The following ALDH2 variants were observed in gnomAD, a reference collection of about 807,000 sequenced individuals.
ALDH2 encodes the protein aldehyde dehydrogenase 2 family member, also known as aldehyde dehydrogenase, mitochondrial.
Under a neutral mutation model 59.6 loss-of-function variants are expected in ALDH2, and 44 were observed. The observed-to-expected ratio is 0.74, with a 90% CI of 0.58 to 0.95. ALDH2 has a LOEUF of 0.95. Among genes scored for constraint, ALDH2 ranks in the 40% least tolerant of loss-of-function variants. The pLI is 0.00. For synonymous variants in ALDH2, 291 were observed against 284.0 expected (o/e 1.02, Z -0.25); for missense variants, 570 against 696.3 (o/e 0.82, Z 2.04).
At chr12:111,793,852 G>A (rs1411549475) in intron 9 of ALDH2, among the ~76,000 whole-genome samples, 2 of 151,630 alleles carry the variant, frequency 1.3e-5, no homozygotes, top group Non-Finnish European at 2.9e-5. Flanking sequence ...CAGCCTCGGG[G>A]TCATTTTTTG....
rs1555263151 is a variant in ALDH2 at position 111,792,129 on chromosome 12, G to T, written c.864G>T (p.Gly288=). Reference sequence around the variant, plus strand: ...AGAGAGTGACCTTGGAGCTGGGGGGGAAGAGCCCCAACATCATCATGTCAG... The same window carrying T: ...AGAGAGTGACCTTGGAGCTGGGGGGTAAGAGCCCCAACATCATCATGTCAG... ...NLKRVTLELG[G]KSPNIIMSDA... is the part of the protein sequence containing the mutation. Residue 288 remains glycine, a synonymous_variant, in exon 8 of 13, where the codon GGG becomes GGT. Transcript: ENST00000261733. 3 of 1,607,572 alleles carry T rather than the reference G, an allele frequency of 1.9e-6. No homozygotes were observed. The South Asian group carries it at 3.3e-5, about 18-fold the overall frequency.
chr12:111,801,481 T>A (rs1190878432), intron 11 of ALDH2, among the ~76,000 whole-genome samples: 1 of 151,620 alleles, frequency 6.6e-6, no homozygotes, highest in Non-Finnish European at 1.5e-5. Context: ...GGTAGGTCAC[T>A]TGAGGTCAAG....
At chr12:111,788,746 A>G (rs7486832) in intron 4 of ALDH2, among the ~76,000 whole-genome samples, 2 of 152,138 alleles carry the variant, frequency 1.3e-5, no homozygotes, top group Non-Finnish European at 2.9e-5. Context: ...TCGAGCCTGT[A>G]ATCCCAGCAC....
Position 111,798,103 on chromosome 12 carries a change from T to A in ALDH2, c.1109T>A (p.Ile370Asn). Residue 370 changes from isoleucine to asparagine, a missense_variant, in exon 10 of 13, where the codon ATC (isoleucine) becomes AAC (asparagine). By Grantham distance (149) the Ile-to-Asn change is moderately radical. Transcript: ENST00000261733. ...PQVDETQFKK[I>N]LGYINTGKQE... is the part of the protein sequence containing the mutation. ...GTGGATGAAACTCAGTTTAAGAAGATCCTCGGCTACATCAACACGGGGAAG... is the reference window on the plus strand; with the variant it reads ...GTGGATGAAACTCAGTTTAAGAAGAACCTCGGCTACATCAACACGGGGAAG... 6.2e-7 allele frequency: 1 copy of A among 1,614,098 alleles called. No homozygotes were observed. Among genetic ancestry groups the A allele is most frequent in the Non-Finnish European group, 8.5e-7 (1 of 1,180,022 alleles).
chr12:111,773,307 TC>T (rs928410366), intron 1 of ALDH2, among the ~76,000 whole-genome samples: 3 of 152,144 alleles, frequency 2.0e-5, no homozygotes, highest in Non-Finnish European at 4.4e-5. Context: ...ATTCAATACT[TC>T]CTGCCTGCCC....
chr12:111,797,996 G>C, intron 9 of ALDH2, 82 bp from the exon 10 acceptor site: 1 of 1,538,804 alleles, frequency 6.5e-7, no homozygotes, highest in African/African-American at 1.4e-5. Context: ...CAGTTGTCTT[G>C]TTGCCTGCAT....
chr12:111,785,036 T>C (rs1464421784), intron 3 of ALDH2, among the ~76,000 whole-genome samples: 1 of 151,860 alleles, frequency 6.6e-6, no homozygotes, highest in Non-Finnish European at 1.5e-5. Flanking sequence ...ATGAAATCAC[T>C]GAGTGAGAAA....
intron 4 of ALDH2, among the ~76,000 whole-genome samples, chr12:111,788,211 A>G (rs1348893231): frequency 6.6e-6 from 1 of 151,880 alleles, no homozygotes; most frequent in Non-Finnish European, 1.5e-5. Flanking sequence ...ACTTCGTCTC[A>G]AAAAAAAGAA....
At chr12:111,776,257 G>T (rs2068233847) in intron 1 of ALDH2, among the ~76,000 whole-genome samples, 1 of 152,166 alleles carries the variant, frequency 6.6e-6, no homozygotes, top group Non-Finnish European at 1.5e-5. Flanking sequence ...AAAGAGTATA[G>T]ACCTGGCCCT....
chr12:111,787,361 G>A (rs1428206727), intron 4 of ALDH2, among the ~76,000 whole-genome samples: 1 of 152,100 alleles, frequency 6.6e-6, no homozygotes. Context: ...TTTTACATTG[G>A]GACCTGGTAG....
intron 12 of ALDH2, among the ~76,000 whole-genome samples, chr12:111,804,746 C>CAA (rs76471972): frequency 1.4e-3 from 86 of 61,566 alleles, no homozygotes; most frequent in Middle Eastern, 0.012. Flanking sequence ...GACTCCGTCT[C>CAA]AAAAAAAAAA....
chr12:111,777,706 C>A (rs1006429053), intron 1 of ALDH2, among the ~76,000 whole-genome samples: 2 of 152,106 alleles, frequency 1.3e-5, no homozygotes, highest in African/African-American at 4.8e-5. Flanking sequence ...GGAGTAAACA[C>A]CCAGGACCTG....
intron 4 of ALDH2, among the ~76,000 whole-genome samples, chr12:111,786,995 A>G (rs1379115399): frequency 6.6e-6 from 1 of 152,126 alleles, no homozygotes; most frequent in East Asian, 1.9e-4. Flanking sequence ...ATTTGAGGTC[A>G]GAAGTCCAAG....
rs1014981847 is a variant in ALDH2 at position 111,766,943 on chromosome 12, C to T, written c.-40C>T. The T allele has an allele frequency of 6.7e-7, 1 of 1,495,922 alleles. No individual in the cohort carries two copies. The highest frequency in any genetic ancestry group is 8.9e-7 in the Non-Finnish European group (1 of 1,123,276). 92.7% of individuals were successfully genotyped at this position (1,495,922 alleles called of 1,614,324 possible). On this transcript the variant is annotated 5_prime_UTR_variant, in exon 1 of 13. Transcript: ENST00000261733. ...CGGCTCAGTGGCCCTGAGACCCTAG[C>T]TCTGCTCTCGGTCCGCTCGCTGTCC...
rs2068276870 is a variant in ALDH2 at position 111,782,039 on chromosome 12, T to TA, written c.219+18dup. 14 of 1,578,542 alleles carry TA rather than the reference T, an allele frequency of 8.9e-6. No individual in the cohort carries two copies. Among genetic ancestry groups the TA allele is most frequent in the African/African-American group, 2.7e-5 (2 of 74,182 alleles). On this transcript the variant is annotated intron_variant, in intron 2 of 12. Transcript: ENST00000261733. Reference sequence around the variant, plus strand: ...GGGGACAAGGTGAGAACTGGTGACTTACCTTGGGGGAGGGATGGATTCGTC... The same window carrying TA: ...GGGGACAAGGTGAGAACTGGTGACTTAACCTTGGGGGAGGGATGGATTCGTC...
At chr12:111,777,670 G>A (rs934133483) in intron 1 of ALDH2, among the ~76,000 whole-genome samples, 5 of 152,092 alleles carry the variant, frequency 3.3e-5, no homozygotes, top group Admixed American at 6.6e-5. Flanking sequence ...CGGGCACCCC[G>A]AGGAGGAGCT....
chr12:111,787,129 C>CCAGGAGGTG (rs1364979402), intron 4 of ALDH2, among the ~76,000 whole-genome samples: 20 of 152,018 alleles, frequency 1.3e-4, no homozygotes, highest in Non-Finnish European at 1.8e-4. Flanking sequence ...TCACTTGAAC[C>CCAGGAGGTG]CAGGAGGTGG....
intron 1 of ALDH2, among the ~76,000 whole-genome samples, chr12:111,780,238 C>T (rs1463879026): frequency 6.6e-6 from 1 of 152,162 alleles, no homozygotes; most frequent in Admixed American, 6.5e-5. Flanking sequence ...GACCCTTCCT[C>T]TGAGCAAATG....
At chr12:111,801,889 T>G (rs1052568126) in intron 11 of ALDH2, among the ~76,000 whole-genome samples, 38 of 152,216 alleles carry the variant, frequency 2.5e-4, no homozygotes, top group African/African-American at 8.9e-4. Flanking sequence ...AGAAATGTTC[T>G]GCAATTAGAC....
Sources: allele counts gnomAD v4.1 joint callset (sites outside exome capture counted in the v4.1 genomes callset), GRCh38; gene constraint gnomAD v4.1.1; transcripts MANE v1.5; gene names NCBI Gene and HGNC (gene_info 2026-07-23, HGNC 2026-07-21).